EARS2: variants seen among roughly 807,000 people sequenced by gnomAD.
EARS2 encodes glutamyl-tRNA synthetase 2, mitochondrial.
Under a neutral mutation model 54.1 loss-of-function variants are expected in EARS2, and 50 were observed. The ratio of observed to expected loss-of-function variants is 0.92; its 90% CI spans 0.74 to 1.17. EARS2 has a LOEUF of 1.17. Ranked by LOEUF, EARS2 falls within the 50% of genes most tolerant of loss-of-function variation. EARS2 has a pLI of 0.00. For missense variants in EARS2, 673 were observed against 675.0 expected, an observed-to-expected ratio of 1.00 and a Z score of 0.03; for synonymous variants, 298 against 281.0, an observed-to-expected ratio of 1.06 and a Z score of -0.61.
chr16:23,557,206 T>C lies in EARS2; in HGVS notation c.138A>G (p.Thr46=). 1 of 1,511,408 alleles carries C rather than the reference T, an allele frequency of 6.6e-7. No homozygotes were observed. The highest frequency in any genetic ancestry group is 8.8e-7 in the Non-Finnish European group (1 of 1,138,996). The allele number at this position is 1,511,408 out of a possible 1,614,324, so 93.6% of individuals were successfully genotyped here. A position where few individuals can be genotyped will look rare whatever the true frequency, so the allele number is the denominator to read the frequency against. Reference sequence around the variant, plus strand: ...TAGCGTCACGTCCGCCAGGGTTACCTGTGGGGCTGGGAGCGAACCGCACTC... The same window carrying C: ...TAGCGTCACGTCCGCCAGGGTTACCCGTGGGGCTGGGAGCGAACCGCACTC... ...AVRVRFAPSP[T]GFLHLGGLRT... Residue 46 remains threonine (T), a splice_region_variant and synonymous_variant, in exon 1 of 9, where the codon ACA becomes ACG. Coordinates refer to ENST00000449606, the MANE Select transcript of EARS2 (RefSeq NM_001083614.2).
intron 1 of EARS2, among the ~76,000 whole-genome samples, chr16:23,555,720 ACT>A (rs1965766266): frequency 6.6e-6 from 1 of 152,120 alleles, no homozygotes; most frequent in South Asian, 2.1e-4. Flanking sequence ...ATGGAGTCTC[ACT>A]CTGTCACCCG....
intron 8 of EARS2, chr16:23,524,930 C>T: frequency 1.8e-6 from 1 of 544,758 alleles, no homozygotes; most frequent in Non-Finnish European, 3.2e-6. Flanking sequence ...CAGGTGTGAG[C>T]CACCGTGCCT....
Position 23,547,194 on chromosome 16 carries a change from T to C in EARS2, c.296-2491A>G, listed in dbSNP as rs550096811. On this transcript the variant is annotated intron_variant, in intron 2 of 8. Transcript: ENST00000449606. Reference sequence around the variant, plus strand: ...AATATTATTTGGCTATAAAAAGGAATGAAGCATGATAGCCCACAGATGCGC... The same window carrying C: ...AATATTATTTGGCTATAAAAAGGAACGAAGCATGATAGCCCACAGATGCGC... 5.3e-5 allele frequency among the ~76,000 whole-genome samples: 8 copies of C among 152,276 alleles called. No homozygotes were observed. The East Asian group carries it at 1.3e-3, about 26-fold the overall frequency.
At chr16:23,530,434 A>G (rs1195582757) in intron 5 of EARS2, among the ~76,000 whole-genome samples, 1 of 152,140 alleles carries the variant, frequency 6.6e-6, no homozygotes, top group Non-Finnish European at 1.5e-5. Context: ...GTGTTTTCAA[A>G]ATAGTAGCTG....
chr16:23,533,755 G>A (rs1388629466), intron 4 of EARS2, among the ~76,000 whole-genome samples: 1 of 151,946 alleles, frequency 6.6e-6, no homozygotes, highest in Non-Finnish European at 1.5e-5. Context: ...TCCAAAGCAC[G>A]ATCAAGAGTT....
chr16:23,535,110 G>A lies in EARS2; in HGVS notation c.736C>T (p.Arg246Ter), dbSNP rs747503929. The A allele has an allele frequency of 6.2e-6, 10 of 1,610,818 alleles. No individual in the cohort carries two copies. The East Asian group carries it at 6.7e-5, about 11-fold the overall frequency. The change falls in exon 4 of 9, where the codon CGA becomes TGA. Residue 246 changes from arginine to a stop codon, truncating the protein, a stop_gained. Coordinates refer to ENST00000449606, the MANE Select transcript of EARS2 (RefSeq NM_001083614.2). LOFTEE classifies it high-confidence loss of function. ...GTGGAGACGAGCCACTCAGAGCCTC[G>A]CAGCACGTGGCTGATGCCCATGTGG... Reference protein sequence around the residue: ...DHHMGISHVLRGSEWLVSTAK... With the variant: ...DHHMGISHVL
At chr16:23,530,524 G>A (rs972210100) in intron 5 of EARS2, among the ~76,000 whole-genome samples, 4 of 152,050 alleles carry the variant, frequency 2.6e-5, no homozygotes, top group East Asian at 1.9e-4. Flanking sequence ...TGCGACCTCC[G>A]CTCACTGCAA....
intron 2 of EARS2, among the ~76,000 whole-genome samples, chr16:23,550,032 C>T (rs1404707511): frequency 6.6e-6 from 1 of 152,138 alleles, no homozygotes; most frequent in Non-Finnish European, 1.5e-5. Context: ...ACTCTTTTCT[C>T]CATACTGGTT....
chr16:23,544,295 C>G (rs1965564388), intron 3 of EARS2, among the ~76,000 whole-genome samples: 1 of 152,180 alleles, frequency 6.6e-6, no homozygotes. Flanking sequence ...AGATCTTCCC[C>G]AAGCTAAGCT....
chr16:23,524,485 C>A (rs1482696203), intron 8 of EARS2, 31 bp from the exon 9 acceptor site: 1 of 1,585,188 alleles, frequency 6.3e-7, no homozygotes, highest in Non-Finnish European at 8.7e-7. Flanking sequence ...TATTGCCTTA[C>A]TACCTTAAAC....
At chr16:23,549,127 G>A (rs1232133148) in intron 2 of EARS2, among the ~76,000 whole-genome samples, 1 of 152,146 alleles carries the variant, frequency 6.6e-6, no homozygotes, top group African/African-American at 2.4e-5. Context: ...CCAGACTACA[G>A]GAGAAAGAGA....
At chr16:23,534,818 T>C in intron 4 of EARS2, 70 bp downstream of exon 4, 1 of 1,368,950 alleles carries the variant, frequency 7.3e-7, no homozygotes, top group Non-Finnish European at 9.9e-7. Context: ...AGAGCAGGAC[T>C]GTCTGAGCCA....
At chr16:23,536,175 T>C (rs1008297087) in intron 3 of EARS2, among the ~76,000 whole-genome samples, 1 of 152,202 alleles carries the variant, frequency 6.6e-6, no homozygotes. Context: ...CCCCAGGTGA[T>C]CCATCTGTGA....
At chr16:23,532,535 T>G in intron 5 of EARS2, 122 bp downstream of exon 5, 2 of 615,144 alleles carry the variant, frequency 3.3e-6, no homozygotes, top group East Asian at 5.6e-5. Context: ...TCAAAGAGGC[T>G]AGGTGATTTA....
At chr16:23,544,845 G>A (rs1018454369) in intron 2 of EARS2, 142 bp from the exon 3 acceptor site, 21 of 786,178 alleles carry the variant, frequency 2.7e-5, no homozygotes, top group Non-Finnish European at 3.4e-5. Flanking sequence ...CCTCCCCGCC[G>A]CCTTTTTTTT....
intron 7 of EARS2, among the ~76,000 whole-genome samples, chr16:23,527,385 T>C (rs922506763): frequency 2.0e-4 from 30 of 152,142 alleles, no homozygotes; most frequent in Admixed American, 1.6e-3. Context: ...TCAAACATGG[T>C]CCAGGCAACT....
At position 23,529,825 on chromosome 16, in the gene EARS2, C is replaced by T. The variant is rs756362023; in HGVS notation, c.1140G>A (p.Val380=). 1.2e-6 allele frequency: 2 copies of T among 1,614,158 alleles called. No homozygotes were observed. Among genetic ancestry groups the T allele is most frequent in the South Asian group, 1.1e-5 (1 of 91,080 alleles). Residue 380 remains valine, a synonymous_variant, in exon 6 of 9, where the codon GTG becomes GTA. Transcript: ENST00000449606. ...RQLVGKLQVL[V]EEAFGCQLQN... ...GCAGCTGGCAACCAAAGGCCTCCTC[C>T]ACAAGGACCTGCAGCTTCCCCACCA...
At chr16:23,526,189 T>G (rs1337197843) in intron 7 of EARS2, among the ~76,000 whole-genome samples, 1 of 145,824 alleles carries the variant, frequency 6.9e-6, no homozygotes, top group Non-Finnish European at 1.5e-5. Flanking sequence ...CTCAGCTCAC[T>G]GCAACCTCCA....
intron 1 of EARS2, among the ~76,000 whole-genome samples, chr16:23,555,160 T>C (rs1207251100): frequency 6.6e-6 from 1 of 152,128 alleles, no homozygotes; most frequent in Non-Finnish European, 1.5e-5. Flanking sequence ...TTTTGACAAA[T>C]GGTGAAACTG....
Sources: gnomAD v4.1 joint callset for allele counts (sites outside exome capture counted in the v4.1 genomes callset) on GRCh38, gnomAD v4.1.1 for gene constraint, MANE v1.5 for transcripts, NCBI Gene and HGNC (gene_info 2026-07-23, HGNC 2026-07-21) for gene names.